Variants in EFHC2 observed in about 807,000 individuals in gnomAD.
EFHC2 encodes the protein EF-hand domain containing 2, also known as EF-hand domain-containing family member C2.
Under a neutral mutation model 52.7 loss-of-function variants are expected in EFHC2, and 18 were observed. The observed-to-expected ratio is 0.34, with a 90% CI of 0.24 to 0.51. The LOEUF is 0.51. EFHC2 is among the 20% of genes least tolerant of loss of function. The pLI is 0.97. For missense variants in EFHC2, 513 were observed against 562.5 expected, an observed-to-expected ratio of 0.91 and a Z score of 0.89; for synonymous variants, 203 against 204.1, an observed-to-expected ratio of 0.99 and a Z score of 0.04.
chrX:44,263,207 G>C (rs1424198304), intron 3 of EFHC2, among the ~76,000 whole-genome samples: 1 of 112,255 alleles, frequency 8.9e-6, no homozygotes, highest in African/African-American at 3.2e-5. Context: ...ATAAAAATTG[G>C]CTTGTGGGAA....
At chrX:44,338,511 CAA>C (rs1205924442) in intron 1 of EFHC2, among the ~76,000 whole-genome samples, 2 of 97,584 alleles carry the variant, frequency 2.0e-5, no homozygotes, top group Non-Finnish European at 2.1e-5. Flanking sequence ...GACCCTATCG[CAA>C]AAAAAAAAAG....
In EFHC2 at chrX:44,200,158, T is replaced by C. The variant is rs746121182; in HGVS notation, c.1752-21594A>G. On this transcript the variant is annotated intron_variant, in intron 11 of 14. Transcript: ENST00000420999. ...CTGGGTGAGGGAAATATGGGAACTC[T>C]AGTTTGGTAAATTTTCTGTAAGTCT... Among the ~76,000 whole-genome samples the C allele has an allele frequency of 1.1e-4, 12 of 112,030 alleles. No individual in the cohort carries two copies. The South Asian group carries it at 1.5e-3, about 14-fold the overall frequency.
At chrX:44,314,161 T>A (rs1381087666) in intron 1 of EFHC2, among the ~76,000 whole-genome samples, 2 of 111,596 alleles carry the variant, frequency 1.8e-5, no homozygotes, top group Non-Finnish European at 3.8e-5. Context: ...AAATGAACAC[T>A]CATATGCCCC....
chrX:44,289,445 C>T (rs2037775938), intron 2 of EFHC2, among the ~76,000 whole-genome samples: 1 of 110,762 alleles, frequency 9.0e-6, no homozygotes, highest in African/African-American at 3.3e-5. Context: ...TCACATTTTC[C>T]CCTAAAAGTT....
chrX:44,272,805 T>C lies in EFHC2; in HGVS notation c.263A>G (p.Glu88Gly), dbSNP rs2037626908. 1 of 1,164,355 alleles carries C rather than the reference T, an allele frequency of 8.6e-7. No individual in the cohort carries two copies. Among genetic ancestry groups the C allele is most frequent in the Non-Finnish European group, 1.2e-6 (1 of 869,273 alleles). Reference protein sequence around the residue: ...VLSFDAYLEEEVLDKSQTNYR... With the variant: ...VLSFDAYLEEGVLDKSQTNYR... ...GTTGGTTTGGCTTTTATCAAGTACT[T>C]CCTCTTCCAAATAGGCATCAAAAGA... Residue 88 changes from glutamate to glycine, a missense_variant, in exon 3 of 15, where the codon GAA becomes GGA. Physicochemically the swap from Glu to Gly is moderately conservative, Grantham distance 98. Coordinates refer to ENST00000420999, the MANE Select transcript of EFHC2 (RefSeq NM_025184.4).
intron 13 of EFHC2, among the ~76,000 whole-genome samples, chrX:44,170,693 A>C: frequency 9.5e-6 from 1 of 105,642 alleles, no homozygotes; most frequent in South Asian, 4.1e-4. Context: ...GCTTTCCATA[A>C]AAAAAAAAAA....
intron 2 of EFHC2, chrX:44,286,352 T>A (rs1285675073): frequency 2.7e-5 from 3 of 112,525 alleles, no homozygotes; most frequent in African/African-American, 9.7e-5. Context: ...CAAGGATGTG[T>A]TTGAAGAATT....
At chrX:44,321,905 A>C (rs1390294318) in intron 1 of EFHC2, among the ~76,000 whole-genome samples, 1 of 111,783 alleles carries the variant, frequency 8.9e-6, no homozygotes, top group African/African-American at 3.3e-5. Context: ...AGCTCAGAAA[A>C]ATGCAAGAAA....
At chrX:44,295,211 G>C (rs956926905) in intron 2 of EFHC2, among the ~76,000 whole-genome samples, 2 of 111,587 alleles carry the variant, frequency 1.8e-5, no homozygotes, top group Non-Finnish European at 3.8e-5. Flanking sequence ...GAGTAATAAG[G>C]GTTTATGAAA....
chrX:44,177,317 T>A (rs991625427), intron 12 of EFHC2, among the ~76,000 whole-genome samples: 4 of 112,018 alleles, frequency 3.6e-5, no homozygotes, highest in Non-Finnish European at 7.5e-5. Flanking sequence ...ATAAAAAAAA[T>A]GATTATTTCT....
chrX:44,307,648 G>A (rs763082150), intron 2 of EFHC2, among the ~76,000 whole-genome samples: 218 of 111,826 alleles, frequency 1.9e-3, no homozygotes, highest in Non-Finnish European at 3.0e-3. Context: ...CAAAGTAGCC[G>A]TATTAAGAAT....
chrX:44,207,526 G>T (rs865921935), intron 11 of EFHC2, among the ~76,000 whole-genome samples: 2 of 107,373 alleles, frequency 1.9e-5, no homozygotes, highest in East Asian at 6.0e-4. Flanking sequence ...AAAAAAAAAA[G>T]AAAGGCTTAA....
chrX:44,163,685 C>T lies in EFHC2; in HGVS notation c.2148+237G>A, dbSNP rs773706924. ...ATCCTATTTTCCATATAATTGGATG[C>T]GATCGAGGTTAAAAAAAATTCAGCT... is the stretch of plus-strand genomic sequence containing the variant. On this transcript the variant is annotated intron_variant, in intron 14 of 14. Transcript: ENST00000420999. Among the ~76,000 whole-genome samples the T allele has an allele frequency of 5.4e-5, 6 of 111,322 alleles. No homozygotes were observed. In the East Asian group the frequency reaches 1.7e-3, roughly 31 times the overall value.
At chrX:44,191,596 GTGTT>G (rs1199956602) in intron 11 of EFHC2, among the ~76,000 whole-genome samples, 1 of 111,888 alleles carries the variant, frequency 8.9e-6, no homozygotes, top group African/African-American at 3.3e-5. Context: ...GATATTATAA[GTGTT>G]TGGGTCTTTA....
At chrX:44,171,682 C>A (rs1296397414) in intron 13 of EFHC2, among the ~76,000 whole-genome samples, 1 of 111,889 alleles carries the variant, frequency 8.9e-6, no homozygotes, top group East Asian at 2.8e-4. Context: ...AGGTGGGTCA[C>A]AGCTGCCAGG....
intron 14 of EFHC2, among the ~76,000 whole-genome samples, chrX:44,149,319 G>A (rs1333796346): frequency 9.0e-6 from 1 of 111,478 alleles, no homozygotes; most frequent in Non-Finnish European, 1.9e-5. Flanking sequence ...TGACCAAGGT[G>A]GATCAGACCA....
At chrX:44,233,067 T>C (rs776139550) in intron 9 of EFHC2, among the ~76,000 whole-genome samples, 1 of 111,982 alleles carries the variant, frequency 8.9e-6, no homozygotes, top group Admixed American at 9.4e-5. Flanking sequence ...TTCTTCTCTC[T>C]GTCTACTCCC....
At chrX:44,341,533 C>T (rs1176061686) in intron 1 of EFHC2, among the ~76,000 whole-genome samples, 1 of 112,275 alleles carries the variant, frequency 8.9e-6, no homozygotes, top group Admixed American at 9.4e-5. Context: ...ACTGCAGCCT[C>T]GACCTCCCAG....
chrX:44,337,322 T>C (rs1324774336), intron 1 of EFHC2, among the ~76,000 whole-genome samples: 2 of 111,571 alleles, frequency 1.8e-5, no homozygotes, highest in African/African-American at 3.3e-5. Context: ...AAAACTACTT[T>C]TGTTCATACC....
Sources: gnomAD v4.1 joint callset for allele counts (sites outside exome capture counted in the v4.1 genomes callset) on GRCh38, gnomAD v4.1.1 for gene constraint, MANE v1.5 for transcripts, NCBI Gene and HGNC (gene_info 2026-07-23, HGNC 2026-07-21) for gene names.